NLRP2: variants seen among roughly 807,000 people sequenced by gnomAD.
NLRP2 encodes the protein NLR family pyrin domain containing 2, also known as NACHT, LRR and PYD domains-containing protein 2.
NLRP2 carries 107 observed loss-of-function variants against 97.2 expected under a neutral mutation model. The ratio of observed to expected loss-of-function variants is 1.10; its 90% CI spans 0.94 to 1.29. The LOEUF is 1.29. NLRP2 is among the 50% of genes most tolerant of loss of function. The pLI, the probability that NLRP2 is intolerant of heterozygous loss-of-function variation, is 0.00. For missense variants in NLRP2, 1,495 were observed against 1,330.3 expected, an observed-to-expected ratio of 1.12 and a Z score of -1.93; for synonymous variants, 663 against 551.5, an observed-to-expected ratio of 1.20 and a Z score of -2.83.
Position 54,996,764 on chromosome 19 carries a change from C to T in NLRP2, c.2880-553C>T, listed in dbSNP as rs117065103. Among the ~76,000 whole-genome samples the T allele has an allele frequency of 7.3e-4, 111 of 152,146 alleles. 1 individual carries two copies. In the East Asian group the frequency reaches 0.018, roughly 25 times the overall value. On this transcript the variant is annotated intron_variant, in intron 11 of 12. Transcript: ENST00000448584. ...TTTCTCTGCCTGGAGAACTCCCCCC[C>T]GAGCTCTATGACTCGGTCTCTTCAC...
intron 3 of NLRP2, chr19:54,976,862 T>G: frequency 2.4e-6 from 1 of 419,430 alleles, no homozygotes; most frequent in South Asian, 1.7e-5. Flanking sequence ...TTTGCCAGGC[T>G]GAAGTGCAGT....
chr19:54,979,982 A>G (rs2071471134), intron 4 of NLRP2, among the ~76,000 whole-genome samples: 1 of 151,560 alleles, frequency 6.6e-6, no homozygotes, highest in South Asian at 2.1e-4. Context: ...TCACCGTGTT[A>G]GTCAGGATGG....
chr19:54,981,289 C>T (rs912241183), intron 4 of NLRP2, among the ~76,000 whole-genome samples: 5 of 152,080 alleles, frequency 3.3e-5, no homozygotes, highest in African/African-American at 4.8e-5. Context: ...GCCTCTTGGC[C>T]TCCCAAGTAG....
rs778117336 is a variant in NLRP2, at chr19:54,982,204, G to A, written c.506G>A (p.Arg169Gln). The A allele has an allele frequency of 2.0e-5, 33 of 1,614,068 alleles. No individual in the cohort carries two copies. Among genetic ancestry groups the A allele is most frequent in the African/African-American group, 4.0e-5 (3 of 75,006 alleles). ...RCRYILKTKF[R>Q]EMWKSWPGDS... is the part of the protein sequence containing the mutation. ...AGGTATATATTGAAGACGAAGTTCC[G>A]GGAGATGTGGAAGAGCTGGCCTGGA... The change falls in exon 6 of 13, where the codon CGG becomes CAG. Residue 169 changes from arginine (R) to glutamine (Q), a missense_variant. By Grantham distance (43) the Arg-to-Gln change is conservative. Transcript: ENST00000448584.
intron 10 of NLRP2, chr19:54,993,328 T>A (rs562749033): frequency 6.6e-6 from 1 of 152,208 alleles, no homozygotes; most frequent in East Asian, 1.9e-4. Flanking sequence ...TCCAAGGCCC[T>A]TCCAGGTCCT....
chr19:54,998,017 T>TTTTC (rs1490628264), intron 12 of NLRP2, among the ~76,000 whole-genome samples: 5 of 142,094 alleles, frequency 3.5e-5, no homozygotes, highest in African/African-American at 1.0e-4. Context: ...TTGTTTTGTT[T>TTTTC]TTTCTTTCTT....
chr19:54,991,027 C>G (rs1434095029), intron 10 of NLRP2: 1 of 331,690 alleles, frequency 3.0e-6, no homozygotes, highest in Non-Finnish European at 5.6e-6. Context: ...GCTAGAATTA[C>G]AGGCATGAGC....
At position 54,982,179 on chromosome 19, in the gene NLRP2, A is replaced by G; in HGVS notation, c.481A>G (p.Arg161Gly). The G allele has an allele frequency of 6.2e-7, 1 of 1,614,134 alleles. No individual in the cohort carries two copies. Among genetic ancestry groups the G allele is most frequent in the Non-Finnish European group, 8.5e-7 (1 of 1,180,042 alleles). ...TGATAAAGACAAAGACAATAGGTGC[A>G]GGTATATATTGAAGACGAAGTTCCG... is the stretch of plus-strand genomic sequence containing the variant. ...GKKPDKDNRC[R>G]YILKTKFREM... The change falls in exon 6 of 13, where the codon AGG becomes GGG. Residue 161 changes from arginine (R) to glycine (G), a missense_variant. By Grantham distance (125) the Arg-to-Gly change is moderately radical (BLOSUM62 -2). Transcript: ENST00000448584.
intron 12 of NLRP2, among the ~76,000 whole-genome samples, chr19:54,998,037 T>TTTA (rs1345830824): frequency 5.4e-5 from 8 of 149,430 alleles, no homozygotes; most frequent in Non-Finnish European, 1.0e-4. Context: ...TTTTTTTTTT[T>TTTA]TTTTTCTGAG....
chr19:54,989,709 C>T (rs534971282), intron 8 of NLRP2: 65 of 476,838 alleles, frequency 1.4e-4, no homozygotes, highest in African/African-American at 7.2e-4. Flanking sequence ...TTCTGCCGGG[C>T]GCGGTGGCTC....
intron 3 of NLRP2, among the ~76,000 whole-genome samples, chr19:54,974,950 C>T (rs996431089): frequency 2.0e-5 from 3 of 151,782 alleles, no homozygotes; most frequent in African/African-American, 4.8e-5. Context: ...CAGGTACCTG[C>T]CACCAGGCCC....
chr19:54,972,235 G>A (rs977666143), intron 2 of NLRP2, among the ~76,000 whole-genome samples: 3 of 151,858 alleles, frequency 2.0e-5, no homozygotes, highest in African/African-American at 7.3e-5. Context: ...AGGATGGAGT[G>A]CAGCAGCACA....
At chr19:54,989,031 T>TA (rs1264968111) in intron 8 of NLRP2, among the ~76,000 whole-genome samples, 1 of 151,808 alleles carries the variant, frequency 6.6e-6, no homozygotes, top group Non-Finnish European at 1.5e-5. Flanking sequence ...GATCTCGGCT[T>TA]ACTGCAACCT....
At chr19:54,998,801 C>A (rs1373658987) in intron 12 of NLRP2, among the ~76,000 whole-genome samples, 6 of 150,254 alleles carry the variant, frequency 4.0e-5, no homozygotes, top group African/African-American at 1.5e-4. Flanking sequence ...CGTTTGTGTC[C>A]CTGGGTACTT....
intron 10 of NLRP2, chr19:54,991,092 T>G: frequency 5.1e-6 from 1 of 197,224 alleles, no homozygotes. Flanking sequence ...ACTATAACTG[T>G]AACATAAATT....
intron 8 of NLRP2, among the ~76,000 whole-genome samples, chr19:54,986,916 GCTCTGT>G (rs2072131713): frequency 6.6e-6 from 1 of 151,322 alleles, no homozygotes; most frequent in South Asian, 2.1e-4. Context: ...ATGGAGTCTC[GCTCTGT>G]CACCCAGGCT....
At chr19:54,995,105 G>C (rs1203761793) in intron 11 of NLRP2, among the ~76,000 whole-genome samples, 1 of 150,542 alleles carries the variant, frequency 6.6e-6, no homozygotes, top group Non-Finnish European at 1.5e-5. Context: ...CTTAAGGTCA[G>C]GAGCTCAAGA....
chr19:54,966,665 C>T (rs947729087), intron 1 of NLRP2, among the ~76,000 whole-genome samples, 198 bp downstream of exon 1: 3 of 151,874 alleles, frequency 2.0e-5, no homozygotes, highest in Non-Finnish European at 4.4e-5. Flanking sequence ...CCTGCCTCAG[C>T]CTCCCGAGTA....
In NLRP2 at chr19:54,993,963, ACT is replaced by A. The variant is rs543352981; in HGVS notation, c.2709-302_2709-301del. 102 of 484,244 alleles carry A rather than the reference ACT, an allele frequency of 2.1e-4. 1 individual carries two copies. The South Asian group carries it at 2.2e-3, about 10-fold the overall frequency. The allele number at this position is 484,244 out of a possible 1,614,324, so 30.0% of individuals were successfully genotyped here. A position where few individuals can be genotyped will look rare whatever the true frequency, so the allele number is the denominator to read the frequency against. ...ATCACGTCACCTCCTGCTGGCTTTG[ACT>A]CTCAGCTCCCTCTTATGAGGATCCC... On this transcript the variant is annotated intron_variant, in intron 10 of 12. Coordinates refer to ENST00000448584, the MANE Select transcript of NLRP2 (RefSeq NM_017852.5).
Sources: allele counts gnomAD v4.1 joint callset (sites outside exome capture counted in the v4.1 genomes callset), GRCh38; gene constraint gnomAD v4.1.1; transcripts MANE v1.5; gene names NCBI Gene and HGNC (gene_info 2026-07-23, HGNC 2026-07-21).